The following DOCK9 variants were observed in gnomAD, a reference collection of about 807,000 sequenced individuals.
The protein encoded by DOCK9 is dedicator of cytokinesis protein 9.
Under a neutral mutation model 263.3 loss-of-function variants are expected in DOCK9, and 89 were observed. The observed-to-expected ratio is 0.34, with a 90% CI of 0.28 to 0.40. The LOEUF (loss-of-function observed/expected upper bound fraction) is 0.40, where lower values mean the gene tolerates loss of function less well. DOCK9 is among the 10% of genes least tolerant of loss of function. DOCK9 has a pLI of 1.00. For synonymous variants in DOCK9, 976 were observed against 973.1 expected (o/e 1.00, Z -0.06); for missense variants, 2,140 against 2,603.4 (o/e 0.82, Z 3.87).
rs370665021 is a variant in DOCK9 at position 98,805,095 on chromosome 13, T to G, written c.5629A>C (p.Asn1877His). 6.8e-6 allele frequency: 11 copies of G among 1,611,838 alleles called. No homozygotes were observed. Among genetic ancestry groups the G allele is most frequent in the Non-Finnish European group, 8.5e-7 (1 of 1,179,020 alleles). ...ERKTEFERSH[N>H]IRRFMFEMPF... Reference sequence around the variant, plus strand: ...ATCTCAAACATGAAGCGGCGGATGTTGTGGGATCTCTCAAACTCTGTTTTC... The same window carrying G: ...ATCTCAAACATGAAGCGGCGGATGTGGTGGGATCTCTCAAACTCTGTTTTC... The change falls in exon 49 of 53, where the codon AAC becomes CAC. Residue 1877 changes from asparagine (N) to histidine (H), a missense_variant. By Grantham distance (68) the Asn-to-His change is moderately conservative. Coordinates refer to ENST00000682017, the MANE Select transcript of DOCK9 (RefSeq NM_001366683.2).
chr13:99,013,111 T>A (rs1473687345), intron 1 of DOCK9, among the ~76,000 whole-genome samples: 1 of 150,992 alleles, frequency 6.6e-6, no homozygotes, highest in African/African-American at 2.4e-5. Context: ...ATCTGATTCT[T>A]TTTTTTTTAA....
intron 21 of DOCK9, 39 bp downstream of exon 21, chr13:98,884,932 G>A: frequency 6.3e-7 from 1 of 1,587,584 alleles, no homozygotes; most frequent in Non-Finnish European, 8.6e-7. Context: ...AATGTTTTCT[G>A]AAGAAATTGG....
At chr13:98,920,731 C>T (rs1006815121) in intron 7 of DOCK9, among the ~76,000 whole-genome samples, 6 of 152,170 alleles carry the variant, frequency 3.9e-5, no homozygotes, top group Admixed American at 3.3e-4. Context: ...ATAAAGTGGC[C>T]GAGCCAGAGT....
intron 46 of DOCK9, 75 bp downstream of exon 46, chr13:98,810,094 C>A: frequency 1.3e-6 from 2 of 1,591,750 alleles, no homozygotes; most frequent in Non-Finnish European, 8.6e-7. Context: ...TCCTCTCTCA[C>A]ATATATGCAG....
intron 47 of DOCK9, among the ~76,000 whole-genome samples, chr13:98,808,352 T>C (rs1415569242): frequency 6.6e-6 from 1 of 152,212 alleles, no homozygotes; most frequent in Non-Finnish European, 1.5e-5. Flanking sequence ...AGAAAATATT[T>C]TCATATCACC....
At position 98,972,022 on chromosome 13, in the gene DOCK9, C is replaced by T. The variant is rs553855927; in HGVS notation, c.126+5762G>A. ...TCTCAATGCTAAGCTCAAGTGAATA[C>T]GTTCATTTTTGTTCATGAATCGTGC... On this transcript the variant is annotated intron_variant, in intron 1 of 52. Transcript: ENST00000682017. 2.9e-4 allele frequency among the ~76,000 whole-genome samples: 44 copies of T among 152,232 alleles called. No individual in the cohort carries two copies. The South Asian group carries it at 6.0e-3, about 21-fold the overall frequency.
intron 3 of DOCK9, 101 bp from the exon 4 acceptor site, chr13:98,926,020 CA>C (rs1566983719): frequency 1.8e-5 from 16 of 891,806 alleles, no homozygotes; most frequent in Middle Eastern, 3.2e-4. Flanking sequence ...ATAGAAACAT[CA>C]AAAAAATTTT....
At chr13:98,876,219 C>T (rs1293170069) in intron 27 of DOCK9, among the ~76,000 whole-genome samples, 10 of 152,194 alleles carry the variant, frequency 6.6e-5, no homozygotes, top group East Asian at 3.9e-4. Flanking sequence ...TGGCTGGGCG[C>T]GGTGGCTCAC....
Position 98,901,782 on chromosome 13 carries a change from G to A in DOCK9, c.1499C>T (p.Ser500Phe). The change falls in exon 13 of 53, where the codon TCT becomes TTT. Residue 500 changes from serine to phenylalanine, a missense_variant. Ser to Phe is a radical substitution (Grantham distance 155, BLOSUM62 -2). This residue lies in a region of DOCK9 where 1,521 missense variants were observed against 1,741.7 expected (regional missense o/e 0.87). Transcript: ENST00000682017. ...AEPYMKSSDSSKVAQKVLKNA... is the reference protein window; with the variant it reads ...AEPYMKSSDSFKVAQKVLKNA... ...AAGCGTAAAAGCCATTCATACCTTA[G>A]AAGAGTCTGAACTTTTCATATATGG... The A allele has an allele frequency of 8.1e-6, 13 of 1,612,694 alleles. No individual in the cohort carries two copies. Among genetic ancestry groups the A allele is most frequent in the Non-Finnish European group, 1.1e-5 (13 of 1,179,372 alleles).
At chr13:99,086,171 G>A (rs112551642) in intron 1 of DOCK9, 2 of 1,438,204 alleles carry the variant, frequency 1.4e-6, no homozygotes, top group Non-Finnish European at 1.8e-6. Context: ...GGGGCCCGCA[G>A]CTGCCTGCGC....
chr13:98,814,233 G>A (rs1160865994), intron 45 of DOCK9, among the ~76,000 whole-genome samples: 1 of 152,134 alleles, frequency 6.6e-6, no homozygotes, highest in East Asian at 1.9e-4. Context: ...CTCTGTACCG[G>A]TGCTTATTAA....
At chr13:98,828,519 A>G (rs1262179047) in intron 43 of DOCK9, among the ~76,000 whole-genome samples, 1 of 152,236 alleles carries the variant, frequency 6.6e-6, no homozygotes, top group Admixed American at 6.5e-5. Context: ...TGAAAAATAA[A>G]TATGTAAAAA....
intron 35 of DOCK9, among the ~76,000 whole-genome samples, chr13:98,851,615 G>C (rs1360838228): frequency 1.3e-5 from 2 of 152,222 alleles, no homozygotes; most frequent in Non-Finnish European, 2.9e-5. Context: ...GCACAAGAAG[G>C]ACAGCAAGGA....
chr13:98,846,224 A>T (rs2093387351), intron 37 of DOCK9, among the ~76,000 whole-genome samples, 164 bp from the exon 38 acceptor site: 1 of 152,136 alleles, frequency 6.6e-6, no homozygotes, highest in Non-Finnish European at 1.5e-5. Context: ...GCTCCTGCAC[A>T]CTTCACGGCA....
chr13:99,008,185 CCTCTCT>C (rs370963218), intron 1 of DOCK9, among the ~76,000 whole-genome samples: 4,432 of 100,910 alleles, frequency 0.044, 133 homozygotes, highest in Middle Eastern at 0.074. Flanking sequence ...TATTGTGCAG[CCTCTCT>C]CTCTCTCTCT....
chr13:98,888,052 A>T, intron 18 of DOCK9, 106 bp downstream of exon 18: 1 of 715,750 alleles, frequency 1.4e-6, no homozygotes, highest in Non-Finnish European at 2.3e-6. Context: ...GATTTGTGTC[A>T]ATTAAAATGT....
chr13:98,983,296 G>A (rs139138873), intron 1 of DOCK9, among the ~76,000 whole-genome samples: 2 of 152,302 alleles, frequency 1.3e-5, no homozygotes, highest in African/African-American at 4.8e-5. Flanking sequence ...GCAGTATACT[G>A]TTGCTGGTCA....
At chr13:98,984,305 T>C (rs1258428477) in intron 1 of DOCK9, among the ~76,000 whole-genome samples, 2 of 152,186 alleles carry the variant, frequency 1.3e-5, no homozygotes, top group African/African-American at 2.4e-5. Flanking sequence ...AAACAACCAG[T>C]GGATGCCAAT....
chr13:99,008,185 C>CCTCTCTCTCTCTCTCTCT (rs370963218), intron 1 of DOCK9, among the ~76,000 whole-genome samples: 20 of 100,976 alleles, frequency 2.0e-4, no homozygotes, highest in South Asian at 4.0e-4. Context: ...TATTGTGCAG[C>CCTCTCTCTCTCTCTCTCT]CTCTCTCTCT....
Sources: allele counts gnomAD v4.1 joint callset (sites outside exome capture counted in the v4.1 genomes callset), GRCh38; gene constraint gnomAD v4.1.1; regional missense constraint gnomAD v4.1.1; transcripts MANE v1.5; gene names NCBI Gene and HGNC (gene_info 2026-07-23, HGNC 2026-07-21).